Variants in AKAP13 observed in about 807,000 individuals in gnomAD.
AKAP13 encodes the protein A-kinase anchoring protein 13, also known as A-kinase anchor protein 13.
AKAP13 carries 80 observed loss-of-function variants against 264.5 expected under a neutral mutation model. The ratio of observed to expected loss-of-function variants is 0.30; its 90% confidence interval spans 0.25 to 0.36. AKAP13 has a LOEUF of 0.36. Ranked by LOEUF, AKAP13 falls within the 10% of genes least tolerant of loss-of-function variation. The probability of loss-of-function intolerance (pLI) is 1.00; values close to 1 mark genes in which losing one functional copy is unlikely to be tolerated. For synonymous variants in AKAP13, 1,380 were observed against 1,250.2 expected, an observed-to-expected ratio of 1.10 and a Z score of -2.19; for missense variants, 3,712 against 3,435.2, an observed-to-expected ratio of 1.08 and a Z score of -2.01.
chr15:85,744,656 G>C lies in AKAP13; in HGVS notation c.8421G>C (p.Glu2807Asp). 1 of 1,611,872 alleles carries C rather than the reference G, an allele frequency of 6.2e-7. No individual in the cohort carries two copies. Among genetic ancestry groups the C allele is most frequent in the South Asian group, 1.1e-5 (1 of 90,742 alleles). ...GDGPASEVSA[E>D]GEEIFC Reference sequence around the variant, plus strand: ...GTCCCGCGTCAGAAGTATCAGCAGAGGGTGAAGAGATCTTCTGCTGACCCT... The same window carrying C: ...GTCCCGCGTCAGAAGTATCAGCAGACGGTGAAGAGATCTTCTGCTGACCCT... Residue 2807 changes from glutamate (E) to aspartate (D), a missense_variant, in exon 37 of 37, where the codon GAG becomes GAC. By Grantham distance (45) the Glu-to-Asp change is conservative. Transcript: ENST00000394518.
At position 85,579,554 on chromosome 15, in the gene AKAP13, A is replaced by T. The variant is rs759185126; in HGVS notation, c.1486A>T (p.Asn496Tyr). 1.5e-5 allele frequency: 25 copies of T among 1,614,214 alleles called. No individual in the cohort carries two copies. The highest frequency in any genetic ancestry group is 2.1e-5 in the Non-Finnish European group (25 of 1,180,042). The part of the protein sequence containing the change: ...LMNPDATVWK[N>Y]VLQGGESTKE... ...GAACCCAGATGCCACTGTTTGGAAG[A>T]ATGTGCTTCAGGGAGGGGAAAGTAC... is the stretch of plus-strand genomic sequence containing the variant. The change falls in exon 7 of 37, where the codon AAT (asparagine) becomes TAT (tyrosine). Residue 496 changes from asparagine to tyrosine, a missense_variant. This residue lies in a region of AKAP13 where 2,759 missense variants were observed against 2,411.7 expected (regional missense o/e 1.14). Transcript: ENST00000394518.
chr15:85,430,507 G>A (rs1224888127), intron 1 of AKAP13, among the ~76,000 whole-genome samples: 1 of 152,194 alleles, frequency 6.6e-6, no homozygotes, highest in African/African-American at 2.4e-5. Flanking sequence ...TGGAATGCTA[G>A]TGGCTGGCGG....
At position 85,586,339 on chromosome 15, in the gene AKAP13, T is replaced by C. The variant is rs565918992; in HGVS notation, c.4161+516T>C. ...CTGCCTAATTTCAGCTGTGAGTAGCTGAAATTACAGGCATGCGCCACCATG... is the reference window on the plus strand; with the variant it reads ...CTGCCTAATTTCAGCTGTGAGTAGCCGAAATTACAGGCATGCGCCACCATG... On this transcript the variant is annotated intron_variant, in intron 8 of 36. Transcript: ENST00000394518. 5.9e-5 allele frequency among the ~76,000 whole-genome samples: 9 copies of C among 152,200 alleles called. No homozygotes were observed. The South Asian group carries it at 1.0e-3, about 18-fold the overall frequency.
At chr15:85,744,189 A>C in intron 36 of AKAP13, 1 of 301,310 alleles carries the variant, frequency 3.3e-6, no homozygotes, top group Non-Finnish European at 6.2e-6. Flanking sequence ...TGACTGTATG[A>C]AGTTGGCACT....
At chr15:85,456,964 T>G (rs964989384) in intron 1 of AKAP13, among the ~76,000 whole-genome samples, 1 of 152,176 alleles carries the variant, frequency 6.6e-6, no homozygotes, top group African/African-American at 2.4e-5. Context: ...GACTATAGTT[T>G]ATTATCTACT....
chr15:85,402,492 C>T (rs1247397348), intron 1 of AKAP13, among the ~76,000 whole-genome samples: 2 of 152,114 alleles, frequency 1.3e-5, no homozygotes, highest in Non-Finnish European at 2.9e-5. Flanking sequence ...AATGGGGGAT[C>T]GTGGTATCTG....
intron 8 of AKAP13, among the ~76,000 whole-genome samples, chr15:85,626,441 T>G (rs532475962): frequency 7.2e-6 from 1 of 139,568 alleles, no homozygotes; most frequent in South Asian, 2.3e-4. Flanking sequence ...CAACTACCGT[T>G]CTATTTTCTG....
chr15:85,398,354 C>T (rs528847691), intron 1 of AKAP13, among the ~76,000 whole-genome samples: 1 of 152,100 alleles, frequency 6.6e-6, no homozygotes, highest in South Asian at 2.1e-4. Flanking sequence ...ACTATAGTCC[C>T]CCAAAAGTAC....
chr15:85,677,821 T>G (rs2084332184), intron 14 of AKAP13, among the ~76,000 whole-genome samples: 1 of 152,052 alleles, frequency 6.6e-6, no homozygotes, highest in South Asian at 2.1e-4. Flanking sequence ...TAATTTTTTT[T>G]GTATTTTTAG....
intron 1 of AKAP13, among the ~76,000 whole-genome samples, chr15:85,396,916 T>C (rs1210988462): frequency 6.6e-6 from 1 of 151,350 alleles, no homozygotes; most frequent in African/African-American, 2.4e-5. Context: ...TTTTTTTTTT[T>C]TTTTTTAAGA....
rs1157933832 is a variant in AKAP13, at chr15:85,601,911, CA to C, written c.4161+16095del. 1.2e-4 allele frequency among the ~76,000 whole-genome samples: 18 copies of C among 151,614 alleles called. No individual in the cohort carries two copies. In the East Asian group the frequency reaches 3.5e-3, roughly 29 times the overall value. ...TTTTCTACAAAAAATTACTTTTCTA[CA>C]AAAAAATTTAGAGGAGTGGTATTGT... is the stretch of plus-strand genomic sequence containing the variant. On this transcript the variant is annotated intron_variant, in intron 8 of 36. Coordinates refer to ENST00000394518, the MANE Select transcript of AKAP13 (RefSeq NM_007200.5).
chr15:85,434,738 T>C (rs1364380835), intron 1 of AKAP13, among the ~76,000 whole-genome samples: 6 of 152,220 alleles, frequency 3.9e-5, no homozygotes, highest in African/African-American at 7.2e-5. Flanking sequence ...CAGGGTATTC[T>C]AACAGACCTG....
rs373531946 is a variant in AKAP13, at chr15:85,657,009, G to A, written c.4745+1222G>A. ...TACAAAAAAGAAAACAGCCGCGCAT[G>A]GTAGTACATGCCTGTGGTCCCAGCT... On this transcript the variant is annotated intron_variant, in intron 11 of 36. Coordinates refer to ENST00000394518, the MANE Select transcript of AKAP13 (RefSeq NM_007200.5). Among the ~76,000 whole-genome samples the A allele has an allele frequency of 1.9e-4, 29 of 152,252 alleles. No individual in the cohort carries two copies. In the East Asian group the frequency reaches 5.0e-3, roughly 26 times the overall value.
At chr15:85,480,768 A>C (rs1393776934) in intron 1 of AKAP13, 1 of 151,806 alleles carries the variant, frequency 6.6e-6, no homozygotes, top group Non-Finnish European at 1.5e-5. Flanking sequence ...GCTCACTGCA[A>C]CCTCCACCTC....
intron 14 of AKAP13, among the ~76,000 whole-genome samples, chr15:85,670,172 T>G (rs1158122070): frequency 1.3e-5 from 2 of 152,174 alleles, no homozygotes; most frequent in African/African-American, 2.4e-5. Context: ...GTACAAAGTA[T>G]TCCCATGTAT....
chr15:85,626,600 T>C (rs942696694), intron 8 of AKAP13, among the ~76,000 whole-genome samples: 5 of 152,240 alleles, frequency 3.3e-5, no homozygotes, highest in Non-Finnish European at 7.3e-5. Flanking sequence ...CAAACTAATA[T>C]TCAATTGTAA....
intron 14 of AKAP13, among the ~76,000 whole-genome samples, chr15:85,671,267 A>G (rs1054550703): frequency 6.6e-6 from 1 of 151,978 alleles, no homozygotes; most frequent in African/African-American, 2.4e-5. Flanking sequence ...TCACAGTGGA[A>G]TTAAGACATA....
intron 1 of AKAP13, among the ~76,000 whole-genome samples, chr15:85,464,700 A>G (rs8039631): frequency 0.54 from 82,126 of 152,064 alleles, 22,904 homozygotes; most frequent in Admixed American, 0.64. Flanking sequence ...AAGCAGTGTA[A>G]CTAGAATTTA....
intron 14 of AKAP13, chr15:85,676,967 CCTT>C (rs2084262718): frequency 1.0e-6 from 1 of 985,378 alleles, no homozygotes; most frequent in South Asian, 4.7e-5. Flanking sequence ...CTGTGAACCT[CCTT>C]CTCAGCTCAG....
Sources: gnomAD v4.1 joint callset for allele counts (sites outside exome capture counted in the v4.1 genomes callset) on GRCh38, gnomAD v4.1.1 for gene constraint, gnomAD v4.1.1 regional missense constraint, MANE v1.5 for transcripts, NCBI Gene and HGNC (gene_info 2026-07-23, HGNC 2026-07-21) for gene names.